FSTL1: variants seen among roughly 807,000 people sequenced by gnomAD.
FSTL1 encodes follistatin-related protein 1.
FSTL1 carries 24 observed loss-of-function variants against 45.9 expected under a neutral mutation model. That is an observed-to-expected ratio of 0.52 (90% CI 0.38 to 0.74). FSTL1 has a LOEUF of 0.74. FSTL1 is among the 30% of genes least tolerant of loss of function. The pLI, the probability that FSTL1 is intolerant of heterozygous loss-of-function variation, is 0.00. For synonymous variants in FSTL1, 120 were observed against 137.6 expected (o/e 0.87, Z 0.89); for missense variants, 340 against 381.8 (o/e 0.89, Z 0.91).
chr3:120,411,017 A>T, intron 4 of FSTL1, 33 bp from the exon 5 acceptor site: 1 of 1,568,032 alleles, frequency 6.4e-7, no homozygotes, highest in Non-Finnish European at 8.7e-7. Flanking sequence ...GTGTAATGCG[A>T]AGTGAAGGAA....
At chr3:120,446,066 A>G (rs1474957243) in intron 2 of FSTL1, among the ~76,000 whole-genome samples, 3 of 138,668 alleles carry the variant, frequency 2.2e-5, no homozygotes, top group African/African-American at 1.0e-4. Flanking sequence ...ATTAACTGGT[A>G]TCATTAAGCT....
chr3:120,411,032 G>GA, intron 4 of FSTL1, 48 bp from the exon 5 acceptor site: 1 of 1,467,318 alleles, frequency 6.8e-7, no homozygotes, highest in African/African-American at 1.4e-5. Context: ...AAGGAAAAAA[G>GA]AAAATTTTTC....
At chr3:120,424,561 G>A (rs1197260169) in intron 2 of FSTL1, among the ~76,000 whole-genome samples, 2 of 152,182 alleles carry the variant, frequency 1.3e-5, no homozygotes, top group East Asian at 3.9e-4. Context: ...GTGGCACATG[G>A]CAAGAAATGG....
rs114167955 is a variant in FSTL1 at position 120,399,739 on chromosome 3, T to C, written c.882+144A>G. 3,521 of 616,394 alleles carry C rather than the reference T, an allele frequency of 5.7e-3. 15 individuals are homozygous for C. Among genetic ancestry groups the C allele is most frequent in the Non-Finnish European group, 9.0e-3 (3,081 of 342,444 alleles). 38.2% of individuals were successfully genotyped at this position (616,394 alleles called of 1,614,324 possible). On this transcript the variant is annotated intron_variant, in intron 10 of 10. Transcript: ENST00000295633. ...AACTGTCTGTATCACAGTTTGATAG[T>C]ACAGGTGATGGGGTATCACTCAAGA... is the stretch of plus-strand genomic sequence containing the variant.
intron 2 of FSTL1, among the ~76,000 whole-genome samples, chr3:120,416,835 C>G (rs1330569901): frequency 6.6e-6 from 1 of 152,204 alleles, no homozygotes; most frequent in Non-Finnish European, 1.5e-5. Flanking sequence ...ACGTGTGCAG[C>G]AGAACTGACA....
Position 120,399,929 on chromosome 3 carries a change from G to C in FSTL1, c.836C>G (p.Thr279Arg), listed in dbSNP as rs989459231. 6.2e-7 allele frequency: 1 copy of C among 1,609,268 alleles called. No homozygotes were observed. Among genetic ancestry groups the C allele is most frequent in the African/African-American group, 1.3e-5 (1 of 74,980 alleles). The change falls in exon 10 of 11, where the codon ACA becomes AGA. Residue 279 changes from threonine (T) to arginine (R), a missense_variant. Transcript: ENST00000295633. ...GKNQKGAQTQTEEEMTRYVQE... is the reference protein window; with the variant it reads ...GKNQKGAQTQREEEMTRYVQE... ...GACATATCTGGTCATCTCCTCCTCT[G>C]TCTGGGTCTGGGCCCCCTTCTGATT...
intron 6 of FSTL1, 29 bp from the exon 7 acceptor site, chr3:120,405,000 G>A (rs757526039): frequency 8.5e-7 from 1 of 1,176,292 alleles, no homozygotes; most frequent in Non-Finnish European, 1.3e-6. Context: ...GATCGTTCAG[G>A]GATGTTTTGC....
At chr3:120,413,776 A>AACTCCCTCTCCCT (rs1937116849) in intron 3 of FSTL1, among the ~76,000 whole-genome samples, 1 of 35,942 alleles carries the variant, frequency 2.8e-5, no homozygotes, top group African/African-American at 1.1e-4. Context: ...TAAAAAAAAA[A>AACTCCCTCTCCCT]CTCCCTCTCC....
chr3:120,435,275 T>C (rs1236878666), intron 2 of FSTL1, among the ~76,000 whole-genome samples: 1 of 152,216 alleles, frequency 6.6e-6, no homozygotes, highest in East Asian at 1.9e-4. Flanking sequence ...CATATACATC[T>C]GCAGTGTTCA....
intron 2 of FSTL1, among the ~76,000 whole-genome samples, chr3:120,445,741 CTG>C (rs1239784537): frequency 6.7e-6 from 1 of 149,660 alleles, no homozygotes; most frequent in Non-Finnish European, 1.5e-5. Context: ...ATAATATAAA[CTG>C]TAGCTGCCAC....
chr3:120,398,029 A>G (rs557845600), intron 10 of FSTL1, among the ~76,000 whole-genome samples: 2 of 152,326 alleles, frequency 1.3e-5, no homozygotes, highest in South Asian at 4.1e-4. Flanking sequence ...TACCACTGTA[A>G]TATGTCCAGA....
chr3:120,417,380 C>G (rs1937204959), intron 2 of FSTL1, among the ~76,000 whole-genome samples: 1 of 152,220 alleles, frequency 6.6e-6, no homozygotes, highest in African/African-American at 2.4e-5. Flanking sequence ...CTGCAAACTC[C>G]AGGTCATTAT....
chr3:120,441,960 A>G (rs764227504), intron 2 of FSTL1, among the ~76,000 whole-genome samples: 1 of 152,222 alleles, frequency 6.6e-6, no homozygotes, highest in Non-Finnish European at 1.5e-5. Flanking sequence ...GCGCTAAGCC[A>G]TTATGTTATA....
chr3:120,444,272 T>C (rs969280045), intron 2 of FSTL1, among the ~76,000 whole-genome samples: 2 of 149,858 alleles, frequency 1.3e-5, no homozygotes, highest in Non-Finnish European at 2.9e-5. Context: ...TCAATGTTTG[T>C]CAAATTGGAC....
intron 3 of FSTL1, among the ~76,000 whole-genome samples, chr3:120,414,174 C>T (rs1937137425): frequency 6.6e-6 from 1 of 152,152 alleles, no homozygotes; most frequent in African/African-American, 2.4e-5. Context: ...CCCAAAGTGC[C>T]GAGATTGCAG....
At position 120,404,858 on chromosome 3, in the gene FSTL1, C is replaced by T; in HGVS notation, c.576G>A (p.Leu192=). The T allele has an allele frequency of 6.7e-6, 10 of 1,488,646 alleles. No individual in the cohort carries two copies. The highest frequency in any genetic ancestry group is 9.4e-6 in the Non-Finnish European group (10 of 1,065,202). 92.2% of individuals were successfully genotyped at this position (1,488,646 alleles called of 1,614,324 possible). Residue 192 remains leucine (L), a synonymous_variant, in exon 7 of 11, where the codon TTG becomes TTA. Coordinates refer to ENST00000295633, the MANE Select transcript of FSTL1 (RefSeq NM_007085.5). ...TTYPDQENNK[L]LRGLCVDALI... ...GACCTCTCGGTTCCTCTCACCTAAG[C>T]AACTTGTTGTTCTCCTGGTCTGGAT...
chr3:120,443,190 G>A (rs1403028908), intron 2 of FSTL1, among the ~76,000 whole-genome samples: 1 of 149,652 alleles, frequency 6.7e-6, no homozygotes, highest in Non-Finnish European at 1.5e-5. Context: ...AGCTGCCCAA[G>A]TGGAGTCTTT....
In FSTL1 at chr3:120,434,169, G is replaced by A. The variant is rs79333452; in HGVS notation, c.63+16515C>T. Among the ~76,000 whole-genome samples the A allele has an allele frequency of 9.1e-3, 1,390 of 152,336 alleles. 26 individuals carry two copies. Among genetic ancestry groups the A allele is most frequent in the African/African-American group, 0.031 (1,284 of 41,582 alleles). ...GGCTAGGGTGGTGGCGGTGGGGACAGAGGACAGTCAATGGAGAGGTGATAC... is the reference window on the plus strand; with the variant it reads ...GGCTAGGGTGGTGGCGGTGGGGACAAAGGACAGTCAATGGAGAGGTGATAC... On this transcript the variant is annotated intron_variant, in intron 2 of 10. Coordinates refer to ENST00000295633, the MANE Select transcript of FSTL1 (RefSeq NM_007085.5).
chr3:120,393,195 T>A lies in FSTL1; in HGVS notation c.*3757A>T, dbSNP rs1226229482. 3.9e-5 allele frequency: 6 copies of A among 152,288 alleles called. No homozygotes were observed. Among genetic ancestry groups the A allele is most frequent in the Admixed American group, 1.3e-4 (2 of 15,306 alleles). 9.4% of individuals were successfully genotyped at this position (152,288 alleles called of 1,614,324 possible). On this transcript the variant is annotated 3_prime_UTR_variant, in exon 11 of 11. Coordinates refer to ENST00000295633, the MANE Select transcript of FSTL1 (RefSeq NM_007085.5). ...GTAGCAATCACATAACAAAAAAGAT[T>A]GCCTTTTAATATTTGATTAGCATTT...
Sources: gnomAD v4.1 joint callset for allele counts (sites outside exome capture counted in the v4.1 genomes callset) on GRCh38, gnomAD v4.1.1 for gene constraint, MANE v1.5 for transcripts, NCBI Gene and HGNC (gene_info 2026-07-23, HGNC 2026-07-21) for gene names.